Variants in DAGLB observed in about 807,000 individuals in gnomAD.
DAGLB encodes diacylglycerol lipase beta, also known as diacylglycerol lipase-beta.
A neutral mutation model predicts 72.1 loss-of-function variants in DAGLB; 66 were observed. That is an observed-to-expected ratio of 0.92 (90% CI 0.75 to 1.12). The LOEUF is 1.12. Among genes scored for constraint, DAGLB ranks in the 50% most tolerant of loss-of-function variants. DAGLB has a pLI of 0.00. For synonymous variants in DAGLB, 414 were observed against 359.5 expected (o/e 1.15, Z -1.71); for missense variants, 1,065 against 884.9 (o/e 1.20, Z -2.58).
chr7:6,428,174 G>C (rs1490082408), intron 6 of DAGLB, among the ~76,000 whole-genome samples: 1 of 151,812 alleles, frequency 6.6e-6, no homozygotes, highest in Non-Finnish European at 1.5e-5. Context: ...GCGAAAACCT[G>C]TCTCTATTAA....
intron 6 of DAGLB, among the ~76,000 whole-genome samples, chr7:6,430,250 C>CATATACATATAT (rs1491373912): frequency 8.7e-5 from 4 of 45,738 alleles, no homozygotes; most frequent in African/African-American, 4.2e-4. Flanking sequence ...AATACATGTG[C>CATATACATATAT]ATATATATAT....
Position 6,446,477 on chromosome 7 carries a change from C to CAAAAAAAAAAAAAA in DAGLB, c.96-387_96-374dup, listed in dbSNP as rs748156438. On this transcript the variant is annotated intron_variant, in intron 1 of 14. Coordinates refer to ENST00000297056, the MANE Select transcript of DAGLB (RefSeq NM_139179.4). The stretch of plus-strand genomic sequence containing the variant: ...TGGGCAACGATATGAGACTCCGTCT[C>CAAAAAAAAAAAAAA]AAAAAAAAAAAAAAAAAAAAAAAAA... 6.5e-4 allele frequency among the ~76,000 whole-genome samples: 38 copies of CAAAAAAAAAAAAAA among 58,636 alleles called. 2 individuals carry two copies. Among genetic ancestry groups the CAAAAAAAAAAAAAA allele is most frequent in the South Asian group, 1.0e-3 (1 of 994 alleles). 38.5% of individuals were successfully genotyped at this position (58,636 alleles called of 152,430 possible).
Position 6,410,162 on chromosome 7 carries a change from G to A in DAGLB, c.1788C>T (p.Ile596=). The change falls in exon 14 of 15, where the codon ATC becomes ATT. Residue 596 remains isoleucine (I), a synonymous_variant. Transcript: ENST00000297056. The part of the protein sequence containing the change: ...KYPPLYPPGR[I]IHLQEEGASG... ...AGGCGCCCTCCTCCTGCAGGTGGATGATCCTGCCGGGAGGGTAGAGAGGGG... is the reference window on the plus strand; with the variant it reads ...AGGCGCCCTCCTCCTGCAGGTGGATAATCCTGCCGGGAGGGTAGAGAGGGG... 1 of 1,579,318 alleles carries A rather than the reference G, an allele frequency of 6.3e-7. No homozygotes were observed. The highest frequency in any genetic ancestry group is 8.6e-7 in the Non-Finnish European group (1 of 1,159,630).
At position 6,421,728 on chromosome 7, in the gene DAGLB, T is replaced by G. The variant is rs1175864555; in HGVS notation, c.1217A>C (p.Lys406Thr). The change falls in exon 9 of 15, where the codon AAG becomes ACG. Residue 406 changes from lysine to threonine, a missense_variant and splice_region_variant. By Grantham distance (78) the Lys-to-Thr change is moderately conservative (BLOSUM62 -1). Coordinates refer to ENST00000297056, the MANE Select transcript of DAGLB (RefSeq NM_139179.4). ...ECEVQDRLAH[K>T]GISQAARYVY... is the part of the protein sequence containing the mutation. Reference sequence around the variant, plus strand: ...AGACACACGAGTCCGCGCTCATACCTTGTGTGCCAGGCGGTCCTGCACCTC... The same window carrying G: ...AGACACACGAGTCCGCGCTCATACCGTGTGTGCCAGGCGGTCCTGCACCTC... The G allele has an allele frequency of 1.9e-6, 3 of 1,609,304 alleles. No homozygotes were observed. Among genetic ancestry groups the G allele is most frequent in the South Asian group, 2.2e-5 (2 of 90,908 alleles).
At chr7:6,424,398 G>A (rs575081499) in intron 8 of DAGLB, among the ~76,000 whole-genome samples, 4 of 152,214 alleles carry the variant, frequency 2.6e-5, no homozygotes, top group Admixed American at 2.6e-4. Context: ...ACTCACTGCC[G>A]CCATCTGGCT....
At chr7:6,436,659 C>G in intron 2 of DAGLB, 126 bp from the exon 3 acceptor site, 3 of 1,192,242 alleles carry the variant, frequency 2.5e-6, no homozygotes, top group Non-Finnish European at 3.5e-6. Flanking sequence ...CTGACTTTTT[C>G]TACTTATAAT....
intron 11 of DAGLB, among the ~76,000 whole-genome samples, chr7:6,415,953 T>C: frequency 7.2e-6 from 1 of 138,624 alleles, no homozygotes; most frequent in Admixed American, 7.3e-5. Flanking sequence ...GCGGAGGGAG[T>C]GCTCAGCATA....
At position 6,410,401 on chromosome 7, in the gene DAGLB, G is replaced by A. The variant is rs537219830; in HGVS notation, c.1570-21C>T. 3.8e-6 allele frequency: 6 copies of A among 1,580,350 alleles called. No homozygotes were observed. In the African/African-American group the frequency reaches 8.2e-5, roughly 22 times the overall value. ...TTGTACTGAGGGCGAGACCCAATCA[G>A]TAGAATGCTGTCACTCACCCTCTGT... On this transcript the variant is annotated intron_variant, in intron 13 of 14. Coordinates refer to ENST00000297056, the MANE Select transcript of DAGLB (RefSeq NM_139179.4).
chr7:6,416,517 T>A, intron 11 of DAGLB, 110 bp downstream of exon 11: 1 of 1,482,166 alleles, frequency 6.7e-7, no homozygotes. Flanking sequence ...CACTCCAGCC[T>A]GGGCGACAGA....
At chr7:6,415,324 G>A (rs531593106) in intron 11 of DAGLB, among the ~76,000 whole-genome samples, 37 of 151,980 alleles carry the variant, frequency 2.4e-4, no homozygotes, top group Non-Finnish European at 4.9e-4. Flanking sequence ...GTTTTTTCCT[G>A]TGTGAACTAT....
intron 2 of DAGLB, among the ~76,000 whole-genome samples, chr7:6,438,594 G>A (rs1431876858): frequency 6.6e-6 from 1 of 152,038 alleles, no homozygotes; most frequent in Non-Finnish European, 1.5e-5. Context: ...CTTCCTGGAG[G>A]GCTGGGATTC....
Position 6,434,686 on chromosome 7 carries a change from G to C in DAGLB, c.678+76C>G, listed in dbSNP as rs980970941. On this transcript the variant is annotated intron_variant, in intron 4 of 14. Coordinates refer to ENST00000297056, the MANE Select transcript of DAGLB (RefSeq NM_139179.4). ...CAGGTTCTCAAACGCGGTTTTATGGGAACAGAGGGACCGGCTCCATCAGAA... is the reference window on the plus strand; with the variant it reads ...CAGGTTCTCAAACGCGGTTTTATGGCAACAGAGGGACCGGCTCCATCAGAA... The C allele has an allele frequency of 8.2e-6, 13 of 1,592,906 alleles. No homozygotes were observed. The African/African-American group carries it at 9.4e-5, about 12-fold the overall frequency.
intron 2 of DAGLB, among the ~76,000 whole-genome samples, chr7:6,443,229 A>G (rs144435815): frequency 0.021 from 2,963 of 143,912 alleles, 51 homozygotes; most frequent in Middle Eastern, 0.046. Flanking sequence ...AACAAAACAA[A>G]CAAAAAACTT....
chr7:6,420,279 A>G (rs938867779), intron 9 of DAGLB, among the ~76,000 whole-genome samples: 3 of 152,028 alleles, frequency 2.0e-5, no homozygotes, highest in Non-Finnish European at 4.4e-5. Context: ...GTCTCTACTA[A>G]AAATACAAAA....
At position 6,412,976 on chromosome 7, in the gene DAGLB, C is replaced by T. The variant is rs1426455501; in HGVS notation, c.1486G>A (p.Val496Met). The T allele has an allele frequency of 1.2e-6, 2 of 1,613,856 alleles. No homozygotes were observed. The highest frequency in any genetic ancestry group is 2.2e-5 in the East Asian group (1 of 44,890). The change falls in exon 12 of 15, where the codon GTG becomes ATG. Residue 496 changes from valine to methionine, a missense_variant. Val to Met is a conservative substitution (Grantham distance 21). Transcript: ENST00000297056. ...FIVSLVLGKDVIPRLSVTNLE... is the reference protein window; with the variant it reads ...FIVSLVLGKDMIPRLSVTNLE... Reference sequence around the variant, plus strand: ...ACCAGGTGGGCTTACCTGGGAATCACATCCTTCCCCAGGACGAGTGACACG... The same window carrying T: ...ACCAGGTGGGCTTACCTGGGAATCATATCCTTCCCCAGGACGAGTGACACG...
intron 2 of DAGLB, among the ~76,000 whole-genome samples, chr7:6,445,154 T>C (rs929314600): frequency 6.6e-6 from 1 of 152,190 alleles, no homozygotes; most frequent in African/African-American, 2.4e-5. Flanking sequence ...AATGAAAACA[T>C]GTCTGTATAA....
chr7:6,436,736 T>C (rs1158911821), intron 2 of DAGLB, among the ~76,000 whole-genome samples: 2 of 152,148 alleles, frequency 1.3e-5, no homozygotes, highest in Admixed American at 6.6e-5. Flanking sequence ...CAAGAAGTCC[T>C]GGGCTCTTTT....
At chr7:6,430,385 C>A (rs1784448973) in intron 6 of DAGLB, 95 bp downstream of exon 6, 1 of 1,350,226 alleles carries the variant, frequency 7.4e-7, no homozygotes, top group African/African-American at 1.5e-5. Flanking sequence ...CATGGGAGTT[C>A]TTTGCACTGT....
At chr7:6,412,031 C>T (rs1783745690) in intron 13 of DAGLB, among the ~76,000 whole-genome samples, 1 of 152,060 alleles carries the variant, frequency 6.6e-6, no homozygotes, top group Admixed American at 6.6e-5. Context: ...TCTTCTGCCT[C>T]AGCCTACCAA....
Sources: gnomAD v4.1 joint callset for allele counts (sites outside exome capture counted in the v4.1 genomes callset) on GRCh38, gnomAD v4.1.1 for gene constraint, MANE v1.5 for transcripts, NCBI Gene and HGNC (gene_info 2026-07-23, HGNC 2026-07-21) for gene names.